SLC35D1: variants seen among roughly 807,000 people sequenced by gnomAD.
SLC35D1 encodes nucleotide sugar transporter SLC35D1.
Under a neutral mutation model 46.7 loss-of-function variants are expected in SLC35D1, and 31 were observed. That is an observed-to-expected ratio of 0.66 (90% CI 0.50 to 0.90). The LOEUF (loss-of-function observed/expected upper bound fraction) is 0.90. Among genes scored for constraint, SLC35D1 ranks in the 40% least tolerant of loss-of-function variants. SLC35D1 has a pLI of 0.00. For synonymous variants in SLC35D1, 195 were observed against 164.6 expected (o/e 1.18, Z -1.41); for missense variants, 397 against 426.2 (o/e 0.93, Z 0.60).
chr1:67,037,608 T>C (rs1322225665), intron 8 of SLC35D1, among the ~76,000 whole-genome samples: 1 of 152,166 alleles, frequency 6.6e-6, no homozygotes, highest in East Asian at 1.9e-4. Flanking sequence ...CCAACCCTAA[T>C]CTAGTCAGAA....
chr1:67,018,980 T>C (rs1472830442), intron 10 of SLC35D1, among the ~76,000 whole-genome samples: 1 of 152,210 alleles, frequency 6.6e-6, no homozygotes, highest in Non-Finnish European at 1.5e-5. Context: ...CTGTGGAGTT[T>C]GTAAGTAAAA....
the SLC35D1 span, chr1:66,981,967 T>C: frequency 1.1e-5 from 17 of 1,590,160 alleles, no homozygotes; most frequent in Non-Finnish European, 1.4e-5. Context: ...AGGGACACTT[T>C]CTTGCAGTGA....
intron 8 of SLC35D1, among the ~76,000 whole-genome samples, chr1:67,038,872 T>G (rs1162781055): frequency 1.5e-5 from 2 of 132,622 alleles, no homozygotes; most frequent in Non-Finnish European, 3.1e-5. Flanking sequence ...CACAACTAGT[T>G]TGGTTTCTCA....
chr1:67,042,020 T>A (rs17129630), intron 8 of SLC35D1, among the ~76,000 whole-genome samples: 1 of 152,248 alleles, frequency 6.6e-6, no homozygotes, highest in Non-Finnish European at 1.5e-5. Flanking sequence ...ACTATTTTTA[T>A]GTTGACAGCA....
the SLC35D1 span, chr1:66,988,105 T>TA: frequency 8.6e-6 from 1 of 116,534 alleles, no homozygotes; most frequent in Non-Finnish European, 2.0e-5. Context: ...TAATAGGCAA[T>TA]ATTTACATGG....
chr1:67,051,921 A>C (rs1645313452), intron 4 of SLC35D1, 91 bp downstream of exon 4: 2 of 921,416 alleles, frequency 2.2e-6, no homozygotes, highest in Non-Finnish European at 3.5e-6. Context: ...TTTTTCCAGA[A>C]TCAATAACAA....
the SLC35D1 span, chr1:66,985,278 GT>G: frequency 1.0e-6 from 1 of 983,434 alleles, no homozygotes; most frequent in Admixed American, 6.1e-5. Context: ...TTTTTGCTTA[GT>G]TTGATGGATG....
chr1:66,985,962 T>G, the SLC35D1 span: 1 of 985,300 alleles, frequency 1.0e-6, no homozygotes, highest in African/African-American at 1.7e-5. Context: ...AAGTTTAATG[T>G]CAGCTTAAGT....
At chr1:67,021,700 G>GACACAC (rs1178697044) in intron 8 of SLC35D1, 98 bp from the exon 9 acceptor site, 105 of 181,938 alleles carry the variant, frequency 5.8e-4, no homozygotes, top group African/African-American at 2.9e-3. Context: ...CTCCAACACA[G>GACACAC]ACACAGACAC....
Position 67,009,568 on chromosome 1 carries a change from CAA to C in SLC35D1, c.877-403_877-402del, listed in dbSNP as rs557109962. Among the ~76,000 whole-genome samples the C allele has an allele frequency of 1.1e-4, 16 of 152,070 alleles. No homozygotes were observed. In the East Asian group the frequency reaches 2.9e-3, roughly 28 times the overall value. On this transcript the variant is annotated intron_variant, in intron 10 of 11. Coordinates refer to ENST00000235345, the MANE Select transcript of SLC35D1 (RefSeq NM_015139.3). ...CAAAAGAAAACATACATGCAGCAAA[CAA>C]ATATAGGAAAAAAGGCTCATCACCA...
chr1:67,052,705 T>G, intron 3 of SLC35D1, 66 bp downstream of exon 3: 5 of 1,544,906 alleles, frequency 3.2e-6, no homozygotes, highest in Non-Finnish European at 4.5e-6. Context: ...CGCAAGGCAC[T>G]GATAAAATAT....
At chr1:67,029,682 C>T (rs548338478) in intron 8 of SLC35D1, among the ~76,000 whole-genome samples, 1 of 152,236 alleles carries the variant, frequency 6.6e-6, no homozygotes, top group Admixed American at 6.5e-5. Context: ...TAATCCCTGA[C>T]CCCCTCTGAA....
the SLC35D1 span, among the ~76,000 whole-genome samples, chr1:66,973,410 G>C: frequency 0.045 from 6,844 of 152,030 alleles, 258 homozygotes; most frequent in East Asian, 0.075. Context: ...GTCCTGAGTG[G>C]TCTAAAATCA....
At chr1:66,990,887 T>C in the SLC35D1 span, among the ~76,000 whole-genome samples, 1 of 152,192 alleles carries the variant, frequency 6.6e-6, no homozygotes, top group Non-Finnish European at 1.5e-5. Flanking sequence ...GGGTCGAGTC[T>C]GTTTTCCTCA....
In SLC35D1 at chr1:67,049,741, T is replaced by C. The variant is rs532985155; in HGVS notation, c.533+41A>G. 31 of 1,532,366 alleles carry C rather than the reference T, an allele frequency of 2.0e-5. No individual in the cohort carries two copies. In the South Asian group the frequency reaches 3.2e-4, roughly 16 times the overall value. The allele number at this position is 1,532,366 out of a possible 1,614,324, so 94.9% of individuals were successfully genotyped here. On this transcript the variant is annotated intron_variant, in intron 6 of 11. Coordinates refer to ENST00000235345, the MANE Select transcript of SLC35D1 (RefSeq NM_015139.3). ...AGCAATCATTTATTATCAATAATTA[T>C]TGACAATTTATAATGTGCTAGTCAT...
chr1:67,030,036 A>G (rs1403165561), intron 8 of SLC35D1, among the ~76,000 whole-genome samples: 1 of 151,792 alleles, frequency 6.6e-6, no homozygotes, highest in African/African-American at 2.4e-5. Flanking sequence ...TTGAACAGAC[A>G]AGGCATAACC....
chr1:67,030,800 G>A (rs1250433408), intron 8 of SLC35D1, among the ~76,000 whole-genome samples: 1 of 152,124 alleles, frequency 6.6e-6, no homozygotes, highest in African/African-American at 2.4e-5. Flanking sequence ...GTTTAATCAG[G>A]CTTCCTGATA....
At chr1:67,008,162 C>T (rs922568784) in intron 11 of SLC35D1, among the ~76,000 whole-genome samples, 13 of 152,114 alleles carry the variant, frequency 8.5e-5, no homozygotes, top group African/African-American at 2.9e-4. Context: ...TTTGTTGGGA[C>T]GGAGTCTCAC....
In SLC35D1 at chr1:66,999,628, G is replaced by A. The variant is rs934598387; in HGVS notation, c.*4712C>T. ...AAATAATCTCTAAAAACATTTTTGTGAGACAATAAATCTAACCAGTAGATT... is the reference window on the plus strand; with the variant it reads ...AAATAATCTCTAAAAACATTTTTGTAAGACAATAAATCTAACCAGTAGATT... On this transcript the variant is annotated 3_prime_UTR_variant, in exon 12 of 12. Transcript: ENST00000235345. 2.6e-5 allele frequency: 4 copies of A among 151,876 alleles called. No homozygotes were observed. The highest frequency in any genetic ancestry group is 7.3e-5 in the African/African-American group (3 of 41,334). 9.4% of individuals were successfully genotyped at this position (151,876 alleles called of 1,614,324 possible).
Sources: allele counts gnomAD v4.1 joint callset (sites outside exome capture counted in the v4.1 genomes callset), GRCh38; gene constraint gnomAD v4.1.1; transcripts MANE v1.5; gene names NCBI Gene and HGNC (gene_info 2026-07-23, HGNC 2026-07-21).